LSAMP: variants seen among roughly 807,000 people sequenced by gnomAD.
LSAMP encodes limbic system-associated membrane protein.
A neutral mutation model predicts 38.6 loss-of-function variants in LSAMP; 7 were observed. The ratio of observed to expected loss-of-function variants is 0.18; its 90% CI spans 0.10 to 0.34. The LOEUF is 0.34. Ranked by LOEUF, LSAMP falls within the 10% of genes least tolerant of loss-of-function variation. LSAMP has a pLI of 1.00. For synonymous variants in LSAMP, 154 were observed against 166.8 expected (o/e 0.92, Z 0.59); for missense variants, 313 against 420.0 (o/e 0.75, Z 2.23).
intron 4 of LSAMP, among the ~76,000 whole-genome samples, chr3:115,850,366 C>G (rs974465607): frequency 2.6e-5 from 4 of 152,084 alleles, no homozygotes; most frequent in African/African-American, 9.7e-5. Context: ...TTTCAGAAAT[C>G]TAATTAAGAT....
chr3:116,202,286 C>A (rs1034527066), intron 1 of LSAMP, among the ~76,000 whole-genome samples: 2 of 151,956 alleles, frequency 1.3e-5, no homozygotes, highest in African/African-American at 4.8e-5. Flanking sequence ...CAGGCGCATG[C>A]CACCACACCT....
intron 2 of LSAMP, among the ~76,000 whole-genome samples, chr3:116,069,865 A>G (rs1206151362): frequency 6.6e-6 from 1 of 152,190 alleles, no homozygotes; most frequent in African/African-American, 2.4e-5. Context: ...ATAAAGGGAA[A>G]CGCTGGCAAT....
At chr3:116,175,662 T>C (rs555358266) in intron 1 of LSAMP, among the ~76,000 whole-genome samples, 2 of 152,048 alleles carry the variant, frequency 1.3e-5, no homozygotes, top group African/African-American at 4.8e-5. Context: ...CACATACCCA[T>C]ACCCACATTA....
chr3:116,346,557 G>T (rs999513019), intron 1 of LSAMP, among the ~76,000 whole-genome samples: 5 of 152,062 alleles, frequency 3.3e-5, no homozygotes, highest in African/African-American at 1.2e-4. Flanking sequence ...TCAAACTCCT[G>T]AGCTCAAGCA....
chr3:116,255,319 C>A (rs2046735410), intron 1 of LSAMP, among the ~76,000 whole-genome samples: 1 of 152,086 alleles, frequency 6.6e-6, no homozygotes, highest in Admixed American at 6.6e-5. Context: ...GGCCAGAGAG[C>A]TGCAAAATCA....
At chr3:116,020,180 A>G (rs924086338) in intron 2 of LSAMP, among the ~76,000 whole-genome samples, 1 of 152,182 alleles carries the variant, frequency 6.6e-6, no homozygotes, top group Non-Finnish European at 1.5e-5. Flanking sequence ...GCATTTAAAT[A>G]TCATCTTTGT....
intron 1 of LSAMP, among the ~76,000 whole-genome samples, chr3:116,256,039 T>G (rs1360607530): frequency 6.6e-6 from 1 of 152,224 alleles, no homozygotes; most frequent in Non-Finnish European, 1.5e-5. Context: ...TCCGATCTAA[T>G]GCAATAAAAT....
intron 1 of LSAMP, among the ~76,000 whole-genome samples, chr3:116,327,653 A>T (rs2047791769): frequency 6.6e-6 from 1 of 152,200 alleles, no homozygotes; most frequent in Non-Finnish European, 1.5e-5. Context: ...TATAAAGAAC[A>T]CACTGAATTT....
At chr3:116,416,112 C>A (rs1031007974) in intron 1 of LSAMP, among the ~76,000 whole-genome samples, 1 of 152,092 alleles carries the variant, frequency 6.6e-6, no homozygotes, top group Non-Finnish European at 1.5e-5. Flanking sequence ...TTCTGCAAAA[C>A]TGAGGTAGTA....
chr3:116,208,538 AC>A (rs2046102654), intron 1 of LSAMP, among the ~76,000 whole-genome samples: 3 of 151,920 alleles, frequency 2.0e-5, no homozygotes, highest in Admixed American at 1.3e-4. Context: ...GGTTTTATCT[AC>A]TTTTGGTCTT....
intron 6 of LSAMP, among the ~76,000 whole-genome samples, chr3:115,813,418 T>G (rs1294465342): frequency 2.0e-5 from 3 of 152,168 alleles, no homozygotes; most frequent in African/African-American, 7.2e-5. Flanking sequence ...TTGAGGTTTG[T>G]GTAAGTATAT....
intron 1 of LSAMP, among the ~76,000 whole-genome samples, chr3:116,383,720 G>T (rs1209501435): frequency 6.6e-6 from 1 of 152,108 alleles, no homozygotes; most frequent in Non-Finnish European, 1.5e-5. Flanking sequence ...CTCCATGTGA[G>T]GAGAAATAGA....
chr3:116,163,750 A>G lies in LSAMP; in HGVS notation c.156-77194T>C, dbSNP rs1005925492. Among the ~76,000 whole-genome samples, 22 of 151,934 alleles carry G rather than the reference A, an allele frequency of 1.4e-4. 1 individual carries two copies. Among genetic ancestry groups the G allele is most frequent in the Admixed American group, 6.6e-5 (1 of 15,236 alleles). On this transcript the variant is annotated intron_variant, in intron 1 of 6. Transcript: ENST00000490035. Reference sequence around the variant, plus strand: ...CTCTCCAAAAAAAAGATTAAAAAAAATATTGATACAAGTTCTTAGACTCTT... The same window carrying G: ...CTCTCCAAAAAAAAGATTAAAAAAAGTATTGATACAAGTTCTTAGACTCTT...
intron 6 of LSAMP, among the ~76,000 whole-genome samples, chr3:115,826,288 G>C (rs1934407183): frequency 6.6e-6 from 1 of 151,566 alleles, no homozygotes; most frequent in Admixed American, 6.6e-5. Flanking sequence ...CTAATTTTTT[G>C]TATTTTTTAG....
Position 116,409,678 on chromosome 3 carries a change from C to T in LSAMP, c.155+35199G>A, listed in dbSNP as rs185777025. The stretch of plus-strand genomic sequence containing the variant: ...ACGTATAAATACAAGGAGACACAAC[C>T]GAATATGAGGTAAGTAGAGAAAGAG... On this transcript the variant is annotated intron_variant, in intron 1 of 6. Transcript: ENST00000490035. Among the ~76,000 whole-genome samples the T allele has an allele frequency of 1.1e-3, 174 of 151,982 alleles. 2 individuals are homozygous for T. The South Asian group carries it at 0.02, about 18-fold the overall frequency.
intron 1 of LSAMP, among the ~76,000 whole-genome samples, chr3:116,113,898 G>T (rs1008123983): frequency 1.3e-5 from 2 of 152,132 alleles, no homozygotes; most frequent in African/African-American, 4.8e-5. Context: ...AAGCTACAAA[G>T]AGCAATGAGG....
chr3:116,235,988 G>A (rs536817049), intron 1 of LSAMP, among the ~76,000 whole-genome samples: 1 of 152,072 alleles, frequency 6.6e-6, no homozygotes, highest in Non-Finnish European at 1.5e-5. Flanking sequence ...TACAGGTGCG[G>A]AATAAATTTA....
intron 1 of LSAMP, among the ~76,000 whole-genome samples, chr3:116,413,626 C>T (rs187358221): frequency 2.0e-5 from 3 of 151,984 alleles, no homozygotes; most frequent in Non-Finnish European, 4.4e-5. Context: ...CACCAAAGTC[C>T]TGTATTTTCT....
At chr3:115,812,399 G>A (rs916727104) in intron 6 of LSAMP, among the ~76,000 whole-genome samples, 3 of 152,084 alleles carry the variant, frequency 2.0e-5, no homozygotes, top group African/African-American at 4.8e-5. Flanking sequence ...GAAAGCACCC[G>A]ATTAGTAATT....
Sources: allele counts gnomAD v4.1 joint callset (sites outside exome capture counted in the v4.1 genomes callset), GRCh38; gene constraint gnomAD v4.1.1; transcripts MANE v1.5; gene names NCBI Gene and HGNC (gene_info 2026-07-23, HGNC 2026-07-21).